MAP3K15: variants seen among roughly 807,000 people sequenced by gnomAD.
The protein encoded by MAP3K15 is MAPK/ERK kinase kinase 15.
Under a neutral mutation model 99.5 loss-of-function variants are expected in MAP3K15, and 124 were observed. That is an observed-to-expected ratio of 1.25 (90% confidence interval 1.08 to 1.45). MAP3K15 has a LOEUF of 1.45. Ranked by LOEUF, MAP3K15 falls within the 40% of genes most tolerant of loss-of-function variation. The pLI, the probability that MAP3K15 is intolerant of heterozygous loss-of-function variation, is 0.00. For missense variants in MAP3K15, 1,242 were observed against 1,079.7 expected (o/e 1.15, Z -2.11); for synonymous variants, 494 against 439.6 (o/e 1.12, Z -1.55).
At chrX:19,477,085 A>G (rs927663828) in intron 3 of MAP3K15, among the ~76,000 whole-genome samples, 15 of 112,218 alleles carry the variant, frequency 1.3e-4, no homozygotes, top group African/African-American at 4.2e-4. Context: ...AGTGAATGGC[A>G]AATTCTATGG....
chrX:19,367,072 A>G (rs2063339454), intron 25 of MAP3K15, among the ~76,000 whole-genome samples: 2 of 112,145 alleles, frequency 1.8e-5, no homozygotes, highest in African/African-American at 6.5e-5. Flanking sequence ...ACAATAGCAA[A>G]GACATGGAAT....
At chrX:19,428,408 A>G (rs1480129643) in intron 7 of MAP3K15, among the ~76,000 whole-genome samples, 1 of 111,673 alleles carries the variant, frequency 9.0e-6, no homozygotes, top group Non-Finnish European at 1.9e-5. Flanking sequence ...TGGCTTTACC[A>G]AACATTAACT....
intron 6 of MAP3K15, among the ~76,000 whole-genome samples, chrX:19,444,264 A>G (rs889529046): frequency 2.7e-5 from 3 of 111,907 alleles, no homozygotes; most frequent in Non-Finnish European, 5.6e-5. Context: ...GTCATTTTTC[A>G]TAGGAATTTT....
At chrX:19,506,437 A>G (rs2064477956) in intron 1 of MAP3K15, among the ~76,000 whole-genome samples, 1 of 112,302 alleles carries the variant, frequency 8.9e-6, no homozygotes, top group Admixed American at 9.5e-5. Flanking sequence ...TGACTCTTGT[A>G]TAAGCCAGCC....
chrX:19,505,674 T>C (rs1315582646), intron 1 of MAP3K15, among the ~76,000 whole-genome samples: 1 of 111,203 alleles, frequency 9.0e-6, no homozygotes, highest in African/African-American at 3.3e-5. Context: ...AGGATGAGTC[T>C]ACATAGACTC....
At chrX:19,487,021 A>G (rs1197392389) in intron 2 of MAP3K15, among the ~76,000 whole-genome samples, 4 of 107,920 alleles carry the variant, frequency 3.7e-5, no homozygotes, top group Non-Finnish European at 7.7e-5. Flanking sequence ...CCCTGCTACA[A>G]CTGTCTAGGA....
intron 15 of MAP3K15, among the ~76,000 whole-genome samples, chrX:19,396,795 C>T (rs2063570372): frequency 1.8e-5 from 2 of 111,934 alleles, no homozygotes; most frequent in South Asian, 7.5e-4. Flanking sequence ...GTCTGACACA[C>T]CTGTGGATCC....
Position 19,417,740 on chromosome X carries a change from C to G in MAP3K15, c.1440-2483G>C, listed in dbSNP as rs554817235. Among the ~76,000 whole-genome samples, 60 of 112,152 alleles carry G rather than the reference C, an allele frequency of 5.3e-4. No individual in the cohort carries two copies. In the South Asian group the frequency reaches 0.02, roughly 38 times the overall value. ...TCGAGATCTGAGAATGGACAGACTGCCTCCTCAAGTGGGTCCCTGACCCCC... is the reference window on the plus strand; with the variant it reads ...TCGAGATCTGAGAATGGACAGACTGGCTCCTCAAGTGGGTCCCTGACCCCC... On this transcript the variant is annotated intron_variant, in intron 9 of 28. Coordinates refer to ENST00000338883, the MANE Select transcript of MAP3K15 (RefSeq NM_001001671.4).
intron 6 of MAP3K15, among the ~76,000 whole-genome samples, chrX:19,442,781 G>T (rs1407051701): frequency 9.5e-6 from 1 of 105,440 alleles, no homozygotes; most frequent in Admixed American, 1.1e-4. Flanking sequence ...GGAGTGCAGT[G>T]ACACAATCTC....
chrX:19,463,514 G>C (rs986442089), intron 4 of MAP3K15, among the ~76,000 whole-genome samples: 9 of 111,972 alleles, frequency 8.0e-5, no homozygotes, highest in Non-Finnish European at 1.1e-4. Flanking sequence ...AAAATAACTG[G>C]ATCCTTTGGT....
At position 19,362,819 on chromosome X, in the gene MAP3K15, C is replaced by T; in HGVS notation, c.3598G>A (p.Glu1200Lys). The T allele has an allele frequency of 1.7e-6, 2 of 1,171,296 alleles. No homozygotes were observed. Among genetic ancestry groups the T allele is most frequent in the South Asian group, 3.7e-5 (2 of 53,842 alleles). ...GTTTGCCGCAGAAGATTCTGGTACT[C>T]TCTCTCTTTTTCAACTAGGTGTTCC... Reference protein sequence around the residue: ...LLEHLVEKEREYQNLLRQTLE... With the variant: ...LLEHLVEKERKYQNLLRQTLE... The change falls in exon 26 of 29, where the codon GAG (glutamate) becomes AAG (lysine). Residue 1200 changes from glutamate to lysine, a missense_variant. Coordinates refer to ENST00000338883, the MANE Select transcript of MAP3K15 (RefSeq NM_001001671.4).
At chrX:19,372,407 C>T (rs185434760) in intron 22 of MAP3K15, among the ~76,000 whole-genome samples, 1,167 of 112,248 alleles carry the variant, frequency 0.01, 16 homozygotes, top group African/African-American at 0.036. Flanking sequence ...GGGGCAGCAC[C>T]GCCCCACCAG....
chrX:19,452,230 G>A (rs1378368184), intron 6 of MAP3K15, among the ~76,000 whole-genome samples: 2 of 16 alleles, frequency 0.12, no homozygotes, highest in African/African-American at 0.2. Flanking sequence ...GAAGAGAAGA[G>A]AAGAGAAGAG....
chrX:19,454,106 G>A (rs759333383), intron 6 of MAP3K15, among the ~76,000 whole-genome samples: 40 of 111,478 alleles, frequency 3.6e-4, no homozygotes, highest in African/African-American at 1.3e-3. Context: ...TTTACAGAAC[G>A]ACATATTAGA....
At position 19,515,467 on chromosome X, in the gene MAP3K15, C is replaced by T. The variant is rs2064556535; in HGVS notation, c.-206G>A. On this transcript the variant is annotated 5_prime_UTR_variant, in exon 1 of 29. Coordinates refer to ENST00000338883, the MANE Select transcript of MAP3K15 (RefSeq NM_001001671.4). ...CCTAGGCTGCAGCCTGACGCTCAGG[C>T]CCCAAGGCCCCCAGCGCCCTTTGAA... Among the ~76,000 whole-genome samples, 1 of 111,837 alleles carries T rather than the reference C, an allele frequency of 8.9e-6. No homozygotes were observed. The highest frequency in any genetic ancestry group is 3.2e-5 in the African/African-American group (1 of 30,901).
intron 6 of MAP3K15, among the ~76,000 whole-genome samples, chrX:19,436,299 C>T (rs753613631): frequency 9.0e-6 from 1 of 111,288 alleles, no homozygotes; most frequent in Non-Finnish European, 1.9e-5. Flanking sequence ...CCACCACTCC[C>T]TTCTCACTCC....
chrX:19,436,678 C>CT (rs1294512606), intron 6 of MAP3K15, among the ~76,000 whole-genome samples: 1 of 110,744 alleles, frequency 9.0e-6, no homozygotes. Context: ...CCAAATCAAA[C>CT]TTTTTTTTGT....
At position 19,514,888 on chromosome X, in the gene MAP3K15, A is replaced by G. The variant is rs1387774152; in HGVS notation, c.361+13T>C. 1 of 1,068,084 alleles carries G rather than the reference A, an allele frequency of 9.4e-7. No homozygotes were observed. Among genetic ancestry groups the G allele is most frequent in the Non-Finnish European group, 1.2e-6 (1 of 815,552 alleles). The allele number at this position is 1,068,084 out of a possible 1,213,427, so 88.0% of individuals were successfully genotyped here. A position where few individuals can be genotyped will look rare whatever the true frequency, so the allele number is the denominator to read the frequency against. ...GTGAACTGGGACTGAGGTGGGGACG[A>G]AGCCGCTCTCACCTGCGTCGTAGAA... On this transcript the variant is annotated intron_variant, in intron 1 of 28. Transcript: ENST00000338883.
chrX:19,398,217 T>C lies in MAP3K15; in HGVS notation c.2066+9A>G. On this transcript the variant is annotated intron_variant, in intron 15 of 28. Coordinates refer to ENST00000338883, the MANE Select transcript of MAP3K15 (RefSeq NM_001001671.4). ...GCACCCGAAATGCGGAAGGCCCGCCTGGACTTGCCTGCTATCTCTCTCCGG... is the reference window on the plus strand; with the variant it reads ...GCACCCGAAATGCGGAAGGCCCGCCCGGACTTGCCTGCTATCTCTCTCCGG... 1 of 1,211,380 alleles carries C rather than the reference T, an allele frequency of 8.3e-7. No homozygotes were observed. The highest frequency in any genetic ancestry group is 1.8e-5 in the South Asian group (1 of 56,902).
Sources: gnomAD v4.1 joint callset for allele counts (sites outside exome capture counted in the v4.1 genomes callset) on GRCh38, gnomAD v4.1.1 for gene constraint, MANE v1.5 for transcripts, NCBI Gene and HGNC (gene_info 2026-07-23, HGNC 2026-07-21) for gene names.